The following ST6GAL1 variants were observed in gnomAD, a reference collection of about 807,000 sequenced individuals.
ST6GAL1 encodes beta-galactoside alpha-2,6-sialyltransferase 1.
Under a neutral mutation model 38.0 loss-of-function variants are expected in ST6GAL1, and 20 were observed. The observed-to-expected ratio is 0.53, with a 90% confidence interval of 0.37 to 0.77. ST6GAL1 has a LOEUF of 0.77. ST6GAL1 is among the 30% of genes least tolerant of loss of function. The pLI is 0.00. For synonymous variants in ST6GAL1, 196 were observed against 188.2 expected (o/e 1.04, Z -0.34); for missense variants, 432 against 496.4 (o/e 0.87, Z 1.23).
At chr3:187,022,392 T>G (rs181377387) in intron 2 of ST6GAL1, among the ~76,000 whole-genome samples, 1 of 152,186 alleles carries the variant, frequency 6.6e-6, no homozygotes, top group Admixed American at 6.5e-5. Flanking sequence ...CTGAGGGGCC[T>G]TACAAGTCTT....
intron 2 of ST6GAL1, among the ~76,000 whole-genome samples, chr3:187,001,138 C>T (rs1375383019): frequency 6.6e-6 from 1 of 152,162 alleles, no homozygotes; most frequent in East Asian, 1.9e-4. Context: ...TAAGTTTGGC[C>T]TCAACTTCCC....
chr3:186,995,531 A>AAAAAG (rs1716372426), intron 2 of ST6GAL1, among the ~76,000 whole-genome samples: 1 of 145,268 alleles, frequency 6.9e-6, no homozygotes, highest in Non-Finnish European at 1.5e-5. Flanking sequence ...ATAAAATAAA[A>AAAAAG]AAAAAATAAA....
At chr3:186,958,969 TA>T (rs1714841843) in intron 1 of ST6GAL1, among the ~76,000 whole-genome samples, 1 of 72,380 alleles carries the variant, frequency 1.4e-5, no homozygotes, top group South Asian at 4.4e-4. Flanking sequence ...AAAAAAAAAT[TA>T]AATAAATAAA....
At chr3:186,995,237 G>C (rs1429682205) in intron 2 of ST6GAL1, among the ~76,000 whole-genome samples, 2 of 151,988 alleles carry the variant, frequency 1.3e-5, no homozygotes, top group African/African-American at 4.8e-5. Context: ...GGCCAGGCAT[G>C]GTGGCTCACG....
At chr3:186,967,186 T>G (rs1367799546) in intron 2 of ST6GAL1, among the ~76,000 whole-genome samples, 1 of 152,208 alleles carries the variant, frequency 6.6e-6, no homozygotes, top group Non-Finnish European at 1.5e-5. Flanking sequence ...GAAGAGGTGT[T>G]TTTTTGTTTG....
chr3:187,000,817 C>A (rs879311311), intron 2 of ST6GAL1, among the ~76,000 whole-genome samples: 5 of 152,216 alleles, frequency 3.3e-5, no homozygotes, highest in Non-Finnish European at 7.3e-5. Context: ...GGTTTCACTT[C>A]TGTTTTCCCA....
chr3:187,054,102 T>G (rs1236715995), intron 5 of ST6GAL1, among the ~76,000 whole-genome samples: 1 of 152,182 alleles, frequency 6.6e-6, no homozygotes, highest in African/African-American at 2.4e-5. Context: ...TCTCTGTTTG[T>G]CTGTTATTGG....
At position 187,005,496 on chromosome 3, in the gene ST6GAL1, C is replaced by T. The variant is rs570107427; in HGVS notation, c.-182-33246C>T. Among the ~76,000 whole-genome samples the T allele has an allele frequency of 2.1e-3, 325 of 152,004 alleles. 1 individual carries two copies. The highest frequency in any genetic ancestry group is 3.9e-3 in the Admixed American group (60 of 15,268). ...TTCACCGTGTTAGCCAGGATGGTCT[C>T]GATCTCCTGACCTCGTGATCTGCCC... On this transcript the variant is annotated intron_variant, in intron 2 of 7. Coordinates refer to ENST00000169298, the MANE Select transcript of ST6GAL1 (RefSeq NM_173216.2).
In ST6GAL1 at chr3:187,067,081, C is replaced by CTTTTTTTTTTTT. The variant is rs763013682; in HGVS notation, c.706-5753_706-5742dup. On this transcript the variant is annotated intron_variant, in intron 5 of 7. Coordinates refer to ENST00000169298, the MANE Select transcript of ST6GAL1 (RefSeq NM_173216.2). ...GCAATCTTCTTTTCTTTCTTTCTTT[C>CTTTTTTTTTTTT]TTTTTTTTTTTTTTTTTTTTTTTTT... Among the ~76,000 whole-genome samples the CTTTTTTTTTTTT allele has an allele frequency of 8.6e-4, 80 of 93,058 alleles. 2 individuals carry two copies. Among genetic ancestry groups the CTTTTTTTTTTTT allele is most frequent in the Non-Finnish European group, 1.2e-3 (60 of 48,468 alleles). 61.0% of individuals were successfully genotyped at this position (93,058 alleles called of 152,430 possible).
Position 187,075,689 on chromosome 3 carries a change from C to T in ST6GAL1, c.1107C>T (p.Tyr369=), listed in dbSNP as rs758354801. 2 of 1,614,114 alleles carry T rather than the reference C, an allele frequency of 1.2e-6. No homozygotes were observed. Among genetic ancestry groups the T allele is most frequent in the Admixed American group, 1.7e-5 (1 of 60,012 alleles). ...ATAGTGCCTGCACGATGGGTGCCTACCACCCGCTGCTCTATGAGAAGAATT... is the reference window on the plus strand; with the variant it reads ...ATAGTGCCTGCACGATGGGTGCCTATCACCCGCTGCTCTATGAGAAGAATT... ...FFDSACTMGA[Y]HPLLYEKNLV... Residue 369 remains tyrosine (Y), a synonymous_variant, in exon 8 of 8, where the codon TAC becomes TAT. Coordinates refer to ENST00000169298, the MANE Select transcript of ST6GAL1 (RefSeq NM_173216.2). The surrounding 1 kb of genome is among the most constrained non-coding windows in gnomAD (Gnocchi z 4.1).
chr3:186,988,556 G>C (rs1203811849), intron 2 of ST6GAL1, among the ~76,000 whole-genome samples: 1 of 108,858 alleles, frequency 9.2e-6, no homozygotes, highest in Non-Finnish European at 1.8e-5. Flanking sequence ...CTGTGTGTGT[G>C]TTTTGGGGTG....
intron 5 of ST6GAL1, among the ~76,000 whole-genome samples, chr3:187,061,731 A>G (rs956141114): frequency 6.6e-6 from 1 of 152,198 alleles, no homozygotes; most frequent in South Asian, 2.1e-4. Context: ...AAATGGATCT[A>G]TGACCTAAAT....
At chr3:187,073,056 C>A in intron 6 of ST6GAL1, 109 bp downstream of exon 6, 1 of 851,754 alleles carries the variant, frequency 1.2e-6, no homozygotes, top group Non-Finnish European at 1.9e-6. Flanking sequence ...TTCCTAAAGG[C>A]TGGGTATTTG....
chr3:187,022,223 C>T (rs562913785), intron 2 of ST6GAL1, among the ~76,000 whole-genome samples: 1 of 152,158 alleles, frequency 6.6e-6, no homozygotes, highest in Non-Finnish European at 1.5e-5. Context: ...TAGAGGACAC[C>T]AAGCTGGTGT....
intron 2 of ST6GAL1, among the ~76,000 whole-genome samples, chr3:187,035,884 C>T (rs907608698): frequency 6.6e-6 from 1 of 152,066 alleles, no homozygotes; most frequent in Non-Finnish European, 1.5e-5. Context: ...GCAACTGCAA[C>T]AGAAACAAAA....
chr3:187,051,430 T>C, intron 5 of ST6GAL1, 84 bp downstream of exon 5: 1 of 1,242,596 alleles, frequency 8.0e-7, no homozygotes, highest in East Asian at 2.4e-5. Context: ...TGGGAGCATA[T>C]CTAGGCTGCC....
intron 1 of ST6GAL1, among the ~76,000 whole-genome samples, chr3:186,963,310 C>T (rs1348813605): frequency 6.6e-6 from 1 of 152,120 alleles, no homozygotes; most frequent in Non-Finnish European, 1.5e-5. Flanking sequence ...CTGCAACCTC[C>T]GCCTCCCGGG....
intron 1 of ST6GAL1, among the ~76,000 whole-genome samples, chr3:186,936,462 C>T (rs1713955427): frequency 6.6e-6 from 1 of 152,092 alleles, no homozygotes; most frequent in Non-Finnish European, 1.5e-5. Flanking sequence ...GAAAACTATA[C>T]GATGGCAGTC....
chr3:186,986,292 T>G (rs1051295851), intron 2 of ST6GAL1: 3 of 152,188 alleles, frequency 2.0e-5, no homozygotes, highest in Non-Finnish European at 4.4e-5. Flanking sequence ...GCAAGTTATA[T>G]CTGGTTCATA....
Sources: allele counts gnomAD v4.1 joint callset (sites outside exome capture counted in the v4.1 genomes callset), GRCh38; gene constraint gnomAD v4.1.1; non-coding constraint Gnocchi (gnomAD v3.1); transcripts MANE v1.5; gene names NCBI Gene and HGNC (gene_info 2026-07-23, HGNC 2026-07-21).